USP5: variants seen among roughly 807,000 people sequenced by gnomAD.
USP5 encodes ubiquitin carboxyl-terminal hydrolase 5.
A neutral mutation model predicts 102.5 loss-of-function variants in USP5; 24 were observed. The observed-to-expected ratio is 0.23, with a 90% CI of 0.17 to 0.33. The LOEUF (loss-of-function observed/expected upper bound fraction) is 0.33, where lower values mean the gene tolerates loss of function less well. USP5 is among the 10% of genes least tolerant of loss of function. The pLI, the probability that USP5 is intolerant of heterozygous loss-of-function variation, is 1.00. For synonymous variants in USP5, 460 were observed against 434.8 expected (o/e 1.06, Z -0.72); for missense variants, 753 against 1,122.1 (o/e 0.67, Z 4.70).
In USP5 at chr12:6,860,963, G is replaced by A. The variant is rs781950021; in HGVS notation, c.1355G>A (p.Arg452Gln). 8.7e-6 allele frequency: 14 copies of A among 1,614,024 alleles called. No individual in the cohort carries two copies. Among genetic ancestry groups the A allele is most frequent in the East Asian group, 2.2e-5 (1 of 44,874 alleles). Residue 452 changes from arginine (R) to glutamine (Q), a missense_variant, in exon 12 of 20, where the codon CGG (arginine) becomes CAG (glutamine). By Grantham distance (43) the Arg-to-Gln change is conservative (BLOSUM62 1). Around this residue, in one of 3 missense-constraint regions of USP5, gnomAD observed 527 missense variants for 816.5 expected, o/e 0.65. Coordinates refer to ENST00000229268, the MANE Select transcript of USP5 (RefSeq NM_001098536.2). This position sits in a 1 kb window ranked among gnomAD's most constrained non-coding sequence, Gnocchi z 5.5. Reference protein sequence around the residue: ...HLINMVERNCRSSENPNEVFR... With the variant: ...HLINMVERNCQSSENPNEVFR... ...GCCTCTTTCCCATAGAGGAATTGCC[G>A]GAGCTCTGAAAATCCTAATGAAGTG... is the stretch of plus-strand genomic sequence containing the variant.
rs1701176135 is a variant in USP5 at position 6,863,069 on chromosome 12, G to A, written c.1763-117G>A. ...CTGGGACCCCTAAGATGGGTGCCGT[G>A]CTTTTAGCAGCTCCTCTTTACAGAG... On this transcript the variant is annotated intron_variant, in intron 14 of 19. Coordinates refer to ENST00000229268, the MANE Select transcript of USP5 (RefSeq NM_001098536.2). This position sits in a 1 kb window ranked among gnomAD's most constrained non-coding sequence, Gnocchi z 4.7. The A allele has an allele frequency of 9.7e-7, 1 of 1,033,022 alleles. No homozygotes were observed. The highest frequency in any genetic ancestry group is 1.4e-6 in the Non-Finnish European group (1 of 732,564). The allele number at this position is 1,033,022 out of a possible 1,614,324, so 64.0% of individuals were successfully genotyped here. A position where few individuals can be genotyped will look rare whatever the true frequency, so the allele number is the denominator to read the frequency against.
At chr12:6,859,642 C>CT in intron 9 of USP5, 101 bp downstream of exon 9, 2 of 1,214,724 alleles carry the variant, frequency 1.6e-6, no homozygotes, top group Non-Finnish European at 2.4e-6. Flanking sequence ...AACCCCTGGC[C>CT]TTTTTTTGTT....
chr12:6,859,572 G>A, intron 9 of USP5, 31 bp downstream of exon 9: 1 of 1,609,912 alleles, frequency 6.2e-7, no homozygotes, highest in Non-Finnish European at 8.5e-7. Context: ...TAGGAAAGCT[G>A]TTGACAGTCA....
At position 6,855,658 on chromosome 12, in the gene USP5, C is replaced by T. The variant is rs781820814; in HGVS notation, c.238-97C>T. On this transcript the variant is annotated intron_variant, in intron 2 of 19. Transcript: ENST00000229268. This position sits in a 1 kb window ranked among gnomAD's most constrained non-coding sequence, Gnocchi z 4.6. Reference sequence around the variant, plus strand: ...GCACAGATGTTTTTTAGCTTTATTCCGTTCTGAGATGAAGCACTACCTCCT... The same window carrying T: ...GCACAGATGTTTTTTAGCTTTATTCTGTTCTGAGATGAAGCACTACCTCCT... The T allele has an allele frequency of 5.8e-5, 93 of 1,590,482 alleles. No individual in the cohort carries two copies. The Middle Eastern group carries it at 1.0e-3, about 17-fold the overall frequency.
chr12:6,855,661 T>C lies in USP5; in HGVS notation c.238-94T>C. 1 of 1,596,210 alleles carries C rather than the reference T, an allele frequency of 6.3e-7. No homozygotes were observed. On this transcript the variant is annotated intron_variant, in intron 2 of 19. Coordinates refer to ENST00000229268, the MANE Select transcript of USP5 (RefSeq NM_001098536.2). The surrounding 1 kb of genome is among the most constrained non-coding windows in gnomAD (Gnocchi z 4.6). ...CAGATGTTTTTTAGCTTTATTCCGTTCTGAGATGAAGCACTACCTCCTTCC... is the reference window on the plus strand; with the variant it reads ...CAGATGTTTTTTAGCTTTATTCCGTCCTGAGATGAAGCACTACCTCCTTCC...
At chr12:6,854,057 C>T (rs1944036022) in intron 1 of USP5, among the ~76,000 whole-genome samples, 1 of 152,030 alleles carries the variant, frequency 6.6e-6, no homozygotes, top group South Asian at 2.1e-4. Flanking sequence ...TTCTCCATCA[C>T]TCTTTACAAA....
Position 6,862,550 on chromosome 12 carries a change from A to G in USP5, c.1754A>G (p.Lys585Arg), listed in dbSNP as rs782028656. ...KFTFGLDWVP[K>R]KLDVSIEMPE... Reference sequence around the variant, plus strand: ...ACCTTCGGCTTAGACTGGGTGCCCAAGAAACTGGGTATGGCTGCTGGAATG... The same window carrying G: ...ACCTTCGGCTTAGACTGGGTGCCCAGGAAACTGGGTATGGCTGCTGGAATG... The change falls in exon 14 of 20, where the codon AAG (lysine) becomes AGG (arginine). Residue 585 changes from lysine to arginine, a missense_variant. Lys to Arg is a conservative substitution (Grantham distance 26). Transcript: ENST00000229268. 1.2e-6 allele frequency: 2 copies of G among 1,614,134 alleles called. No individual in the cohort carries two copies. The highest frequency in any genetic ancestry group is 2.7e-5 in the African/African-American group (2 of 75,046).
intron 1 of USP5, among the ~76,000 whole-genome samples, chr12:6,852,612 G>GA (rs1369623009): frequency 1.3e-5 from 2 of 152,274 alleles, no homozygotes; most frequent in East Asian, 3.8e-4. Flanking sequence ...GGACCCTTGA[G>GA]AAAACCTGGC....
Position 6,860,316 on chromosome 12 carries a change from C to T in USP5, c.1219-50C>T. 2 of 1,613,742 alleles carry T rather than the reference C, an allele frequency of 1.2e-6. No individual in the cohort carries two copies. Among genetic ancestry groups the T allele is most frequent in the African/African-American group, 1.3e-5 (1 of 75,004 alleles). Reference sequence around the variant, plus strand: ...GTCTGGGAGATGTCTAAAGAAGGCCCCTGGATGGCCACTGAGCCCCAGCTG... The same window carrying T: ...GTCTGGGAGATGTCTAAAGAAGGCCTCTGGATGGCCACTGAGCCCCAGCTG... On this transcript the variant is annotated intron_variant, in intron 10 of 19. Transcript: ENST00000229268. This position sits in a 1 kb window ranked among gnomAD's most constrained non-coding sequence, Gnocchi z 5.5.
At position 6,866,257 on chromosome 12, in the gene USP5, ACT is replaced by A. The variant is rs1555130869; in HGVS notation, c.*183_*184del. 1.1e-5 allele frequency: 7 copies of A among 609,972 alleles called. No individual in the cohort carries two copies. Among genetic ancestry groups the A allele is most frequent in the South Asian group, 5.9e-5 (3 of 50,554 alleles). 37.8% of individuals were successfully genotyped at this position (609,972 alleles called of 1,614,324 possible). A position where few individuals can be genotyped will look rare whatever the true frequency, so the allele number is the denominator to read the frequency against. On this transcript the variant is annotated 3_prime_UTR_variant, in exon 20 of 20. Transcript: ENST00000229268. The surrounding 1 kb of genome is among the most constrained non-coding windows in gnomAD (Gnocchi z 4.7). ...GGGCAGAGCAGAGGGGCAGCGATAG[ACT>A]CTGGGGATGGAGCAGGACGGGGACG...
At chr12:6,859,378 C>T (rs1944207641) in intron 8 of USP5, 92 bp from the exon 9 acceptor site, 5 of 1,303,036 alleles carry the variant, frequency 3.8e-6, no homozygotes, top group East Asian at 2.3e-5. Context: ...TTGAGGGGAG[C>T]CCGTTCACAG....
At position 6,858,462 on chromosome 12, in the gene USP5, C is replaced by T; in HGVS notation, c.903C>T (p.Asn301=). ...TGACTGAGTTGGAGATAGACATGAA[C>T]CAGCGGATTGGTGAATGGGAGCTGA... is the stretch of plus-strand genomic sequence containing the variant. ...KTMTELEIDM[N]QRIGEWELIQ... The change falls in exon 8 of 20, where the codon AAC becomes AAT. Residue 301 remains asparagine (N), a synonymous_variant. Transcript: ENST00000229268. The surrounding 1 kb of genome is among the most constrained non-coding windows in gnomAD (Gnocchi z 4.2). 6.2e-7 allele frequency: 1 copy of T among 1,611,366 alleles called. No homozygotes were observed. Among genetic ancestry groups the T allele is most frequent in the African/African-American group, 1.3e-5 (1 of 75,010 alleles).
Position 6,863,917 on chromosome 12 carries a change from G to A in USP5, c.2042G>A (p.Gly681Asp), listed in dbSNP as rs1168822471. 2 of 1,611,022 alleles carry A rather than the reference G, an allele frequency of 1.2e-6. No individual in the cohort carries two copies. Among genetic ancestry groups the A allele is most frequent in the African/African-American group, 2.7e-5 (2 of 74,864 alleles). ...DACRKAVYYT[G>D]NSGAEAAMNW... ...TGCCGCAAAGCTGTCTACTACACGGGCAACAGCGGGGCTGAGGCCGCCATG... is the reference window on the plus strand; with the variant it reads ...TGCCGCAAAGCTGTCTACTACACGGACAACAGCGGGGCTGAGGCCGCCATG... The change falls in exon 16 of 20, where the codon GGC (glycine) becomes GAC (aspartate). Residue 681 changes from glycine (G) to aspartate (D), a missense_variant. By Grantham distance (94) the Gly-to-Asp change is moderately conservative. Coordinates refer to ENST00000229268, the MANE Select transcript of USP5 (RefSeq NM_001098536.2). This position sits in a 1 kb window ranked among gnomAD's most constrained non-coding sequence, Gnocchi z 4.7.
At chr12:6,857,951 A>G (rs1944168609) in intron 7 of USP5, among the ~76,000 whole-genome samples, 1 of 152,228 alleles carries the variant, frequency 6.6e-6, no homozygotes, top group Non-Finnish European at 1.5e-5. Flanking sequence ...TTTGCTTACA[A>G]GAGTTCTACT....
Position 6,861,606 on chromosome 12 carries a change from A to G in USP5, c.1662A>G (p.Ser554=). The change falls in exon 13 of 20, where the codon TCA becomes TCG. Residue 554 remains serine (S), a synonymous_variant. Coordinates refer to ENST00000229268, the MANE Select transcript of USP5 (RefSeq NM_001098536.2). This position sits in a 1 kb window ranked among gnomAD's most constrained non-coding sequence, Gnocchi z 4.9. ...DFWSTALQAK[S]VAVKTTRFAS... is the part of the protein sequence containing the mutation. Reference sequence around the variant, plus strand: ...GGAGCACGGCCCTGCAGGCCAAGTCAGTAGCTGTCAAGTAAGTCCTCTGGT... The same window carrying G: ...GGAGCACGGCCCTGCAGGCCAAGTCGGTAGCTGTCAAGTAAGTCCTCTGGT... 6.4e-7 allele frequency: 1 copy of G among 1,561,010 alleles called. No individual in the cohort carries two copies.
intron 1 of USP5, 97 bp downstream of exon 1, chr12:6,852,387 C>A: frequency 1.6e-6 from 2 of 1,220,142 alleles, no homozygotes; most frequent in South Asian, 1.3e-5. Flanking sequence ...CGCCTCCCTG[C>A]GATGCACCAT....
chr12:6,852,296 C>G lies in USP5; in HGVS notation c.111+6C>G. 6.2e-7 allele frequency: 1 copy of G among 1,603,928 alleles called. No homozygotes were observed. The highest frequency in any genetic ancestry group is 8.5e-7 in the Non-Finnish European group (1 of 1,175,394). ...CCTTCTCCTTCGACACGCCGGTAAG[C>G]CCATTCCCCACGCCCGCAACGAGCA... On this transcript the variant is annotated splice_donor_region_variant and intron_variant, in intron 1 of 19. Coordinates refer to ENST00000229268, the MANE Select transcript of USP5 (RefSeq NM_001098536.2).
In USP5 at chr12:6,860,664, C is replaced by A. The variant is rs1293256026; in HGVS notation, c.1344+173C>A. On this transcript the variant is annotated intron_variant, in intron 11 of 19. Coordinates refer to ENST00000229268, the MANE Select transcript of USP5 (RefSeq NM_001098536.2). This position sits in a 1 kb window ranked among gnomAD's most constrained non-coding sequence, Gnocchi z 5.5. ...AGGACAGTGAAGGTGATGATCCCTACCCTTGATGGGCTTGAAGCCCAATTC... is the reference window on the plus strand; with the variant it reads ...AGGACAGTGAAGGTGATGATCCCTAACCTTGATGGGCTTGAAGCCCAATTC... Among the ~76,000 whole-genome samples, 1 of 152,226 alleles carries A rather than the reference C, an allele frequency of 6.6e-6. No individual in the cohort carries two copies. The highest frequency in any genetic ancestry group is 1.5e-5 in the Non-Finnish European group (1 of 68,042).
intron 1 of USP5, among the ~76,000 whole-genome samples, chr12:6,853,041 CA>C (rs1943987160): frequency 6.6e-6 from 1 of 152,014 alleles, no homozygotes; most frequent in South Asian, 2.1e-4. Flanking sequence ...TGGCTAGTTA[CA>C]CAAAGCCACC....
Sources: allele counts gnomAD v4.1 joint callset (sites outside exome capture counted in the v4.1 genomes callset), GRCh38; gene constraint gnomAD v4.1.1; regional missense constraint gnomAD v4.1.1; non-coding constraint Gnocchi (gnomAD v3.1); transcripts MANE v1.5; gene names NCBI Gene and HGNC (gene_info 2026-07-23, HGNC 2026-07-21).